NEDD4L: variants seen among roughly 807,000 people sequenced by gnomAD.
The protein encoded by NEDD4L is NEDD4 like E3 ubiquitin protein ligase, also known as E3 ubiquitin-protein ligase NEDD4-like.
In NEDD4L, 54 loss-of-function variants were observed where a neutral mutation model predicts 148.9. That is an observed-to-expected ratio of 0.36 (90% CI 0.29 to 0.45). NEDD4L has a LOEUF of 0.45. Ranked by LOEUF, NEDD4L falls within the 20% of genes least tolerant of loss-of-function variation. The pLI is 1.00. For synonymous variants in NEDD4L, 433 were observed against 440.7 expected (o/e 0.98, Z 0.22); for missense variants, 856 against 1,233.8 (o/e 0.69, Z 4.59).
In NEDD4L at chr18:58,072,868, GCGCGCACACACACACACA is replaced by G. The variant is rs755574868; in HGVS notation, c.48+28162_48+28179del. On this transcript the variant is annotated intron_variant, in intron 1 of 30. Transcript: ENST00000400345. ...ATAGAAAATCCTAAGGCGCGCGCGC[GCGCGCACACACACACACA>G]CACACACACACACACACACAAATCT... Among the ~76,000 whole-genome samples the G allele has an allele frequency of 6.1e-4, 71 of 115,880 alleles. 3 individuals carry two copies. The South Asian group carries it at 0.014, about 24-fold the overall frequency. The allele number at this position is 115,880 out of a possible 152,430, so 76.0% of individuals were successfully genotyped here.
At chr18:58,108,869 C>T (rs1000131722) in intron 1 of NEDD4L, among the ~76,000 whole-genome samples, 8 of 152,176 alleles carry the variant, frequency 5.3e-5, no homozygotes, top group African/African-American at 1.4e-4. Context: ...CATCTTATCA[C>T]CTGTGAAAAG....
At position 58,341,755 on chromosome 18, in the gene NEDD4L, T is replaced by C; in HGVS notation, c.1335T>C (p.Arg445=). Residue 445 remains arginine (R), a synonymous_variant, in exon 15 of 31, where the codon CGT becomes CGC. Transcript: ENST00000400345. The stretch of plus-strand genomic sequence containing the variant: ...TCGAGCCTCAGATCCGCCGGCCTCG[T>C]AGCCTCAGCTCGCCAACAGTAACTT... ...HLIEPQIRRP[R]SLSSPTVTLS... is the part of the protein sequence containing the mutation. 1 of 1,613,838 alleles carries C rather than the reference T, an allele frequency of 6.2e-7. No homozygotes were observed. Among genetic ancestry groups the C allele is most frequent in the Non-Finnish European group, 8.5e-7 (1 of 1,179,852 alleles).
chr18:58,213,946 C>A (rs2147782907), intron 2 of NEDD4L, among the ~76,000 whole-genome samples: 1 of 152,276 alleles, frequency 6.6e-6, no homozygotes, highest in East Asian at 1.9e-4. Flanking sequence ...CTCGTTTGCC[C>A]CTTTTTCACT....
intron 27 of NEDD4L, chr18:58,388,239 G>A (rs922477709): frequency 1.6e-4 from 25 of 152,348 alleles, no homozygotes; most frequent in Admixed American, 1.5e-3. Context: ...CATTTGCCCC[G>A]TCCATAGCCA....
At chr18:58,209,997 C>G (rs1568394218) in intron 2 of NEDD4L, among the ~76,000 whole-genome samples, 1 of 151,864 alleles carries the variant, frequency 6.6e-6, no homozygotes, top group Admixed American at 6.6e-5. Context: ...AGAAACCCAT[C>G]CATACTAAAA....
chr18:58,242,757 C>T (rs1263460956), intron 2 of NEDD4L, among the ~76,000 whole-genome samples: 2 of 152,204 alleles, frequency 1.3e-5, no homozygotes, highest in Non-Finnish European at 1.5e-5. Context: ...CTGCCTGCCT[C>T]AGCCTCCCAA....
chr18:58,326,235 G>T (rs1249508046), intron 9 of NEDD4L, among the ~76,000 whole-genome samples: 1 of 152,128 alleles, frequency 6.6e-6, no homozygotes, highest in African/African-American at 2.4e-5. Context: ...GCAGAATCTG[G>T]AACAACGAAT....
intron 1 of NEDD4L, among the ~76,000 whole-genome samples, chr18:58,110,050 C>T (rs1478953177): frequency 1.2e-5 from 1 of 80,146 alleles, no homozygotes; most frequent in East Asian, 2.2e-4. Flanking sequence ...TGAACTTGGG[C>T]TGCCCTAGGG....
intron 13 of NEDD4L, among the ~76,000 whole-genome samples, chr18:58,340,314 A>G (rs188874440): frequency 1.3e-5 from 2 of 152,262 alleles, no homozygotes; most frequent in Admixed American, 1.3e-4. Context: ...CAGTCACTCT[A>G]TGCGGGGCAG....
intron 5 of NEDD4L, among the ~76,000 whole-genome samples, chr18:58,255,243 GCC>G (rs2048368504): frequency 1.3e-5 from 2 of 151,906 alleles, no homozygotes; most frequent in Non-Finnish European, 2.9e-5. Context: ...CTGTGAGAGC[GCC>G]CTGCTGGGGC....
Position 58,329,130 on chromosome 18 carries a change from A to G in NEDD4L, c.813+3A>G. 5.6e-6 allele frequency: 9 copies of G among 1,613,676 alleles called. No individual in the cohort carries two copies. Among genetic ancestry groups the G allele is most frequent in the Non-Finnish European group, 7.6e-6 (9 of 1,179,762 alleles). On this transcript the variant is annotated splice_donor_region_variant and intron_variant, in intron 10 of 30. Coordinates refer to ENST00000400345, the MANE Select transcript of NEDD4L (RefSeq NM_001144967.3). Reference sequence around the variant, plus strand: ...CGGAGGGCGGGGATGTCCCCGAGGTACGATGTCCCCAGAATGGTGCAAAGC... The same window carrying G: ...CGGAGGGCGGGGATGTCCCCGAGGTGCGATGTCCCCAGAATGGTGCAAAGC...
intron 5 of NEDD4L, among the ~76,000 whole-genome samples, chr18:58,312,935 C>G (rs2057866905): frequency 6.6e-6 from 1 of 152,234 alleles, no homozygotes; most frequent in South Asian, 2.1e-4. Context: ...CCGCCTCAGC[C>G]TTCCAAAGTG....
chr18:58,301,682 G>A (rs2056478134), intron 5 of NEDD4L, among the ~76,000 whole-genome samples: 1 of 152,190 alleles, frequency 6.6e-6, no homozygotes, highest in African/African-American at 2.4e-5. Context: ...GTGATTGTTG[G>A]AGCAGCCTGT....
chr18:58,245,674 CTTTTTTTTTT>C (rs57282316), intron 3 of NEDD4L, among the ~76,000 whole-genome samples, 166 bp downstream of exon 3: 280 of 89,274 alleles, frequency 3.1e-3, no homozygotes, highest in African/African-American at 0.01. Context: ...CACTTTTTCT[CTTTTTTTTTT>C]TTTTTTTTTT....
rs2050492069 is a variant in NEDD4L at position 58,396,372 on chromosome 18, A to C, written c.*103A>C. 2 of 756,884 alleles carry C rather than the reference A, an allele frequency of 2.6e-6. No individual in the cohort carries two copies. The highest frequency in any genetic ancestry group is 3.5e-5 in the African/African-American group (2 of 57,530). 46.9% of individuals were successfully genotyped at this position (756,884 alleles called of 1,614,324 possible). A position where few individuals can be genotyped will look rare whatever the true frequency, so the allele number is the denominator to read the frequency against. ...AGAGGCGATGGCAGAGAGCAGCTGC[A>C]GGCATGGTCCCTGGAGCCGAGCCTT... is the stretch of plus-strand genomic sequence containing the variant. On this transcript the variant is annotated 3_prime_UTR_variant, in exon 31 of 31. Transcript: ENST00000400345.
rs1304123258 is a variant in NEDD4L, at chr18:58,329,127, G to GGTAC, written c.813+2_813+5dup. ...CCTCGGAGGGCGGGGATGTCCCCGAGGTACGATGTCCCCAGAATGGTGCAA... is the reference window on the plus strand; with the variant it reads ...CCTCGGAGGGCGGGGATGTCCCCGAGGTACGTACGATGTCCCCAGAATGGTGCAA... On this transcript the variant is annotated frameshift_variant and splice_region_variant. Transcript: ENST00000400345. LOFTEE classifies it high-confidence loss of function. 6.2e-7 allele frequency: 1 copy of GGTAC among 1,613,682 alleles called. No individual in the cohort carries two copies. Among genetic ancestry groups the GGTAC allele is most frequent in the Admixed American group, 1.7e-5 (1 of 59,990 alleles).
chr18:58,120,340 C>T (rs1367059763), intron 1 of NEDD4L, among the ~76,000 whole-genome samples: 10 of 152,158 alleles, frequency 6.6e-5, no homozygotes, highest in Non-Finnish European at 1.5e-4. Flanking sequence ...TATTCATTGG[C>T]CAATTGTATT....
chr18:58,264,306 T>C (rs952081967), intron 5 of NEDD4L, among the ~76,000 whole-genome samples: 2 of 151,996 alleles, frequency 1.3e-5, no homozygotes, highest in Non-Finnish European at 2.9e-5. Flanking sequence ...GCACCCTCGG[T>C]TGAAATTATA....
chr18:58,314,732 T>C (rs1199438262), intron 5 of NEDD4L: 4 of 152,238 alleles, frequency 2.6e-5, no homozygotes, highest in Non-Finnish European at 5.9e-5. Flanking sequence ...GTCTCATTCT[T>C]CATGCATACC....
Sources: allele counts gnomAD v4.1 joint callset (sites outside exome capture counted in the v4.1 genomes callset), GRCh38; gene constraint gnomAD v4.1.1; transcripts MANE v1.5; gene names NCBI Gene and HGNC (gene_info 2026-07-23, HGNC 2026-07-21).